The following SCML2 variants were observed in gnomAD, a reference collection of about 807,000 sequenced individuals.
SCML2 encodes Scm polycomb group protein like 2.
In SCML2, 6 loss-of-function variants were observed where a neutral mutation model predicts 48.4. The observed-to-expected ratio is 0.12, with a 90% confidence interval of 0.07 to 0.24. SCML2 has a LOEUF of 0.24. Among genes scored for constraint, SCML2 ranks in the 10% least tolerant of loss-of-function variants. The pLI, the probability that SCML2 is intolerant of heterozygous loss-of-function variation, is 1.00. For synonymous variants in SCML2, 181 were observed against 189.5 expected (o/e 0.95, Z 0.37); for missense variants, 377 against 528.2 (o/e 0.71, Z 2.81).
rs1481247524 is a variant in SCML2 at position 18,300,684 on chromosome X, A to G, written c.730+4288T>C. Among the ~76,000 whole-genome samples the G allele has an allele frequency of 7.3e-5, 8 of 108,859 alleles. No homozygotes were observed. The Admixed American group carries it at 7.9e-4, about 11-fold the overall frequency. 94.5% of individuals were successfully genotyped at this position (108,859 alleles called of 115,157 possible). A position where few individuals can be genotyped will look rare whatever the true frequency, so the allele number is the denominator to read the frequency against. On this transcript the variant is annotated intron_variant, in intron 7 of 14. Coordinates refer to ENST00000251900, the MANE Select transcript of SCML2 (RefSeq NM_006089.3). ...CAGACGCCTATAATCCCAGCTACTC[A>G]GAAGGCTGAGGCAGGAAAATCAATT... is the stretch of plus-strand genomic sequence containing the variant.
At chrX:18,304,682 C>T (rs187225867) in intron 7 of SCML2, among the ~76,000 whole-genome samples, 5 of 111,752 alleles carry the variant, frequency 4.5e-5, no homozygotes, top group Non-Finnish European at 9.4e-5. Context: ...TACATACCAC[C>T]CCCCTTGCTT....
intron 11 of SCML2, among the ~76,000 whole-genome samples, chrX:18,255,535 CT>C (rs1164712635): frequency 8.9e-6 from 1 of 112,050 alleles, no homozygotes; most frequent in African/African-American, 3.2e-5. Context: ...CACTGGACAG[CT>C]ACACCAGAGG....
intron 1 of SCML2, among the ~76,000 whole-genome samples, chrX:18,337,482 C>G (rs767066940): frequency 9.2e-6 from 1 of 108,656 alleles, no homozygotes; most frequent in South Asian, 4.0e-4. Flanking sequence ...TAATTTCGGA[C>G]AGAGCAGACT....
chrX:18,324,146 C>T, intron 4 of SCML2, 53 bp from the exon 5 acceptor site: 8 of 764,914 alleles, frequency 1.0e-5, no homozygotes, highest in Non-Finnish European at 1.4e-5. Flanking sequence ...AGAGAAGACA[C>T]ATGGACAGCT....
At chrX:18,273,861 G>A (rs1005608796) in intron 7 of SCML2, among the ~76,000 whole-genome samples, 1 of 110,424 alleles carries the variant, frequency 9.1e-6, no homozygotes, top group African/African-American at 3.3e-5. Context: ...GACTATGGTT[G>A]GACATCACAG....
At chrX:18,254,953 C>A (rs1481328833) in intron 11 of SCML2, among the ~76,000 whole-genome samples, 5 of 110,801 alleles carry the variant, frequency 4.5e-5, no homozygotes, top group Non-Finnish European at 9.5e-5. Context: ...AAATTGTACT[C>A]TCAACATCTC....
intron 11 of SCML2, among the ~76,000 whole-genome samples, chrX:18,249,431 T>C (rs1926564208): frequency 9.0e-6 from 1 of 111,499 alleles, no homozygotes; most frequent in African/African-American, 3.3e-5. Flanking sequence ...CTATCACTAT[T>C]AGACCAGTCT....
Position 18,330,740 on chromosome X carries a change from A to G in SCML2, c.23-85T>C, listed in dbSNP as rs1929628971. On this transcript the variant is annotated intron_variant, in intron 2 of 14. Transcript: ENST00000251900. Reference sequence around the variant, plus strand: ...AGAAAAATATAAATTAAAAAACTTTAAAGAGCCAATTTTAGTTTTATAATA... The same window carrying G: ...AGAAAAATATAAATTAAAAAACTTTGAAGAGCCAATTTTAGTTTTATAATA... The G allele has an allele frequency of 5.7e-6, 3 of 522,771 alleles. No individual in the cohort carries two copies. In the East Asian group the frequency reaches 1.1e-4, roughly 20 times the overall value. 43.1% of individuals were successfully genotyped at this position (522,771 alleles called of 1,213,427 possible). A position where few individuals can be genotyped will look rare whatever the true frequency, so the allele number is the denominator to read the frequency against.
At chrX:18,295,021 G>A (rs145250079) in intron 7 of SCML2, among the ~76,000 whole-genome samples, 1,430 of 111,023 alleles carry the variant, frequency 0.013, 8 homozygotes, top group Middle Eastern at 0.037. Flanking sequence ...CCACCTCTGC[G>A]TACTTGCACA....
intron 1 of SCML2, among the ~76,000 whole-genome samples, chrX:18,342,370 G>A (rs1930043131): frequency 9.0e-6 from 1 of 110,577 alleles, no homozygotes; most frequent in African/African-American, 3.3e-5. Context: ...AAAAAGGTTA[G>A]GTTAATAGTA....
At chrX:18,270,743 A>G (rs1927427709) in intron 7 of SCML2, among the ~76,000 whole-genome samples, 1 of 111,356 alleles carries the variant, frequency 9.0e-6, no homozygotes, top group African/African-American at 3.3e-5. Context: ...GTATTAAACT[A>G]CTTGAAATAG....
intron 11 of SCML2, among the ~76,000 whole-genome samples, chrX:18,250,685 G>A (rs1926623385): frequency 9.1e-6 from 1 of 110,183 alleles, no homozygotes; most frequent in South Asian, 3.9e-4. Flanking sequence ...ACCCGACCTA[G>A]ACAAATACTT....
At chrX:18,334,169 G>A in intron 1 of SCML2, 74 bp from the exon 2 acceptor site, 1 of 697,436 alleles carries the variant, frequency 1.4e-6, no homozygotes, top group Non-Finnish European at 2.1e-6. Context: ...TCAGTTATAA[G>A]GCCAGATCAA....
intron 9 of SCML2, 145 bp downstream of exon 9, chrX:18,260,026 A>G (rs1412542551): frequency 6.6e-5 from 27 of 406,684 alleles, no homozygotes; most frequent in Non-Finnish European, 1.0e-4. Flanking sequence ...ATTTCAAAAT[A>G]CTTTAATATG....
At chrX:18,330,861 A>G (rs755404250) in intron 2 of SCML2, among the ~76,000 whole-genome samples, 16 of 111,724 alleles carry the variant, frequency 1.4e-4, no homozygotes, top group Non-Finnish European at 2.4e-4. Context: ...TGAAATCTCC[A>G]AAAGGGCAGA....
At chrX:18,306,568 A>G (rs1928763916) in intron 6 of SCML2, among the ~76,000 whole-genome samples, 1 of 112,079 alleles carries the variant, frequency 8.9e-6, no homozygotes, top group African/African-American at 3.2e-5. Flanking sequence ...AGCTATTCAT[A>G]TTATTATTTC....
intron 1 of SCML2, among the ~76,000 whole-genome samples, chrX:18,349,529 G>A (rs1160873329): frequency 8.9e-6 from 1 of 112,825 alleles, no homozygotes; most frequent in Non-Finnish European, 1.9e-5. Flanking sequence ...GGTGGCTCAC[G>A]CCTGTAATCC....
intron 6 of SCML2, among the ~76,000 whole-genome samples, chrX:18,320,086 C>G (rs1419301179): frequency 8.9e-6 from 1 of 112,368 alleles, no homozygotes; most frequent in African/African-American, 3.2e-5. Context: ...AATGGTGGAG[C>G]ATTGCACATA....
intron 8 of SCML2, among the ~76,000 whole-genome samples, chrX:18,263,131 T>C (rs960780862): frequency 1.2e-4 from 12 of 104,291 alleles, no homozygotes; most frequent in Admixed American, 4.1e-4. Flanking sequence ...TTTTTAGCTA[T>C]AATTCTTTGC....
Sources: allele counts gnomAD v4.1 joint callset (sites outside exome capture counted in the v4.1 genomes callset), GRCh38; gene constraint gnomAD v4.1.1; transcripts MANE v1.5; gene names NCBI Gene and HGNC (gene_info 2026-07-23, HGNC 2026-07-21).